The following SORCS2 variants were observed in gnomAD, a reference collection of about 807,000 sequenced individuals.
The protein encoded by SORCS2 is sortilin related VPS10 domain containing receptor 2.
A neutral mutation model predicts 141.6 loss-of-function variants in SORCS2; 100 were observed. That is an observed-to-expected ratio of 0.71 (90% CI 0.60 to 0.83). The LOEUF (loss-of-function observed/expected upper bound fraction) is 0.83, where lower values mean the gene tolerates loss of function less well. Among genes scored for constraint, SORCS2 ranks in the 40% least tolerant of loss-of-function variants. The probability of loss-of-function intolerance (pLI) is 0.00; values close to 1 mark genes in which losing one functional copy is unlikely to be tolerated. For synonymous variants in SORCS2, 789 were observed against 676.9 expected (o/e 1.17, Z -2.57); for missense variants, 1,646 against 1,560.2 (o/e 1.05, Z -0.93).
At position 7,286,946 on chromosome 4, in the gene SORCS2, C is replaced by G. The variant is rs952087167; in HGVS notation, c.480+93820C>G. Among the ~76,000 whole-genome samples the G allele has an allele frequency of 5.9e-5, 9 of 152,174 alleles. No homozygotes were observed. Among genetic ancestry groups the G allele is most frequent in the Non-Finnish European group, 1.3e-4 (9 of 68,022 alleles). On this transcript the variant is annotated intron_variant, in intron 1 of 26. Transcript: ENST00000507866. This position sits in a 1 kb window ranked among gnomAD's most constrained non-coding sequence, Gnocchi z 4.1. ...AGTCAGCAGAGGCAGAGAGAGGGAC[C>G]AGGGCCACTGGTACGAACGCTTCTT...
chr4:7,439,198 A>G (rs938186791), intron 2 of SORCS2, among the ~76,000 whole-genome samples: 2 of 152,076 alleles, frequency 1.3e-5, no homozygotes, highest in African/African-American at 2.4e-5. Context: ...ATATATATAT[A>G]CAAACACACA....
chr4:7,242,169 G>A (rs1042866687), intron 1 of SORCS2, among the ~76,000 whole-genome samples: 1 of 152,172 alleles, frequency 6.6e-6, no homozygotes, highest in East Asian at 1.9e-4. Context: ...AGTCACATGA[G>A]TGTTCCCTCG....
chr4:7,443,141 A>G (rs1346414628), intron 2 of SORCS2, among the ~76,000 whole-genome samples: 1 of 152,228 alleles, frequency 6.6e-6, no homozygotes, highest in African/African-American at 2.4e-5. Context: ...TAAAAACCCT[A>G]GCTCCAAATT....
intron 1 of SORCS2, among the ~76,000 whole-genome samples, chr4:7,263,891 C>T (rs928108464): frequency 7.2e-5 from 11 of 152,300 alleles, no homozygotes; most frequent in African/African-American, 1.4e-4. Context: ...TGGTGCGTCT[C>T]GTTCCCACCG....
intron 23 of SORCS2, among the ~76,000 whole-genome samples, chr4:7,731,064 C>T (rs550060585): frequency 6.6e-6 from 1 of 152,126 alleles, no homozygotes; most frequent in African/African-American, 2.4e-5. Context: ...CGAGGGCCAC[C>T]GTCAGAAAGG....
At chr4:7,388,088 G>T (rs1723589287) in intron 1 of SORCS2, among the ~76,000 whole-genome samples, 1 of 141,980 alleles carries the variant, frequency 7.0e-6, no homozygotes, top group African/African-American at 2.7e-5. Flanking sequence ...ACACACACAT[G>T]CACACACATG....
At chr4:7,616,317 A>T (rs1718752763) in intron 3 of SORCS2, among the ~76,000 whole-genome samples, 1 of 152,048 alleles carries the variant, frequency 6.6e-6, no homozygotes, top group African/African-American at 2.4e-5. Flanking sequence ...CCATCCATCC[A>T]TCTGTCATCT....
chr4:7,675,697 G>A (rs1723060994), intron 8 of SORCS2, among the ~76,000 whole-genome samples: 1 of 152,180 alleles, frequency 6.6e-6, no homozygotes, highest in Admixed American at 6.5e-5. Context: ...TCAACCATCT[G>A]GGGGTGCATA....
At chr4:7,474,924 G>T (rs1730199978) in intron 2 of SORCS2, among the ~76,000 whole-genome samples, 1 of 152,110 alleles carries the variant, frequency 6.6e-6, no homozygotes, top group South Asian at 2.1e-4. Context: ...GCAGTCTGTG[G>T]CTTACAGACT....
chr4:7,493,495 C>T (rs534190643), intron 2 of SORCS2, among the ~76,000 whole-genome samples: 1 of 152,344 alleles, frequency 6.6e-6, no homozygotes, highest in Non-Finnish European at 1.5e-5. Flanking sequence ...GTGGGTACAT[C>T]TGAGTCGCAG....
At chr4:7,672,103 C>G (rs1224708129) in intron 8 of SORCS2, among the ~76,000 whole-genome samples, 1 of 151,982 alleles carries the variant, frequency 6.6e-6, no homozygotes, top group African/African-American at 2.4e-5. Context: ...GCCACCATAC[C>G]CAGCTAATTT....
intron 3 of SORCS2, among the ~76,000 whole-genome samples, chr4:7,605,783 T>A (rs901735802): frequency 4.6e-5 from 7 of 151,906 alleles, no homozygotes; most frequent in African/African-American, 1.5e-4. Flanking sequence ...TTGGTGCTGG[T>A]CCTGGGAGGG....
At chr4:7,319,419 A>G (rs368800931) in intron 1 of SORCS2, among the ~76,000 whole-genome samples, 8 of 152,226 alleles carry the variant, frequency 5.3e-5, no homozygotes, top group African/African-American at 1.9e-4. Context: ...ACATAAAAGC[A>G]TGAGGCTGGG....
chr4:7,306,503 G>C (rs1717841970), intron 1 of SORCS2, among the ~76,000 whole-genome samples: 1 of 152,190 alleles, frequency 6.6e-6, no homozygotes, highest in African/African-American at 2.4e-5. Context: ...ATGGCTGTTG[G>C]AGCAGAGGGA....
At chr4:7,505,541 T>G (rs1732225745) in intron 2 of SORCS2, among the ~76,000 whole-genome samples, 1 of 152,180 alleles carries the variant, frequency 6.6e-6, no homozygotes, top group Non-Finnish European at 1.5e-5. Flanking sequence ...TGGAGCCCTC[T>G]CACTGTCTCT....
intron 3 of SORCS2, among the ~76,000 whole-genome samples, chr4:7,538,409 A>T (rs998543084): frequency 2.0e-5 from 3 of 152,194 alleles, no homozygotes; most frequent in Non-Finnish European, 4.4e-5. Context: ...TCGGGCCGAC[A>T]GCAGGTTTCC....
intron 1 of SORCS2, among the ~76,000 whole-genome samples, chr4:7,351,581 A>G (rs560043925): frequency 6.6e-6 from 1 of 152,158 alleles, no homozygotes; most frequent in Admixed American, 6.5e-5. Flanking sequence ...GAGCTTTTAT[A>G]GGGACACCGA....
chr4:7,708,771 C>T (rs186274603), intron 14 of SORCS2, among the ~76,000 whole-genome samples: 45 of 152,322 alleles, frequency 3.0e-4, no homozygotes, highest in African/African-American at 9.6e-4. Flanking sequence ...TGATTTATTC[C>T]TCCGTTTTTA....
At chr4:7,405,655 T>A (rs1200176644) in intron 2 of SORCS2, among the ~76,000 whole-genome samples, 1 of 152,120 alleles carries the variant, frequency 6.6e-6, no homozygotes, top group East Asian at 1.9e-4. Flanking sequence ...TCAATATTGG[T>A]ATAAAGAAAC....
Sources: allele counts gnomAD v4.1 joint callset (sites outside exome capture counted in the v4.1 genomes callset), GRCh38; gene constraint gnomAD v4.1.1; non-coding constraint Gnocchi (gnomAD v3.1); transcripts MANE v1.5; gene names NCBI Gene and HGNC (gene_info 2026-07-23, HGNC 2026-07-21).